ABCG8: variants seen among roughly 807,000 people sequenced by gnomAD.
ABCG8 encodes the protein ATP binding cassette subfamily G member 8, also known as ATP-binding cassette sub-family G member 8.
In ABCG8, 81 loss-of-function variants were observed where a neutral mutation model predicts 71.3. That is an observed-to-expected ratio of 1.14 (90% CI 0.95 to 1.37). ABCG8 has a LOEUF of 1.37. Ranked by LOEUF, ABCG8 falls within the 40% of genes most tolerant of loss-of-function variation. The probability of loss-of-function intolerance (pLI) is 0.00; values close to 1 mark genes in which losing one functional copy is unlikely to be tolerated. For missense variants in ABCG8, 1,119 were observed against 866.2 expected, an observed-to-expected ratio of 1.29 and a Z score of -3.66; for synonymous variants, 451 against 354.7, an observed-to-expected ratio of 1.27 and a Z score of -3.05.
chr2:43,876,791 G>A (rs1182701790), intron 11 of ABCG8, among the ~76,000 whole-genome samples: 6 of 150,240 alleles, frequency 4.0e-5, no homozygotes, highest in East Asian at 2.0e-4. Flanking sequence ...GGGGGAGACC[G>A]TGGGAATATG....
intron 1 of ABCG8, among the ~76,000 whole-genome samples, chr2:43,839,321 C>A (rs1024366136): frequency 2.8e-4 from 42 of 151,554 alleles, no homozygotes; most frequent in Non-Finnish European, 5.4e-4. Context: ...TCACTTCCTG[C>A]CCTAAGAAAT....
chr2:43,856,528 C>A (rs1669113960), intron 6 of ABCG8, among the ~76,000 whole-genome samples: 1 of 151,932 alleles, frequency 6.6e-6, no homozygotes, highest in Non-Finnish European at 1.5e-5. Context: ...CTCTCACTTT[C>A]TGGATAGAAA....
In ABCG8 at chr2:43,881,207, A is replaced by G. The variant is rs1440132922; in HGVS notation, c.*3294A>G. ...GCTCTGTATGCCGTGCTGAAGGGGA[A>G]AAGGGCAAAGTGCAAAGGCAGGAGG... On this transcript the variant is annotated 3_prime_UTR_variant, in exon 13 of 13. Coordinates refer to ENST00000272286, the MANE Select transcript of ABCG8 (RefSeq NM_022437.3). 1 of 152,266 alleles carries G rather than the reference A, an allele frequency of 6.6e-6. No individual in the cohort carries two copies. The highest frequency in any genetic ancestry group is 2.4e-5 in the African/African-American group (1 of 41,466). The allele number at this position is 152,266 out of a possible 1,614,324, so 9.4% of individuals were successfully genotyped here.
intron 6 of ABCG8, among the ~76,000 whole-genome samples, chr2:43,868,682 C>G (rs928014039): frequency 6.6e-5 from 10 of 152,172 alleles, no homozygotes; most frequent in African/African-American, 2.4e-4. Flanking sequence ...CTGGATACTA[C>G]TCTCGCTATC....
intron 6 of ABCG8, among the ~76,000 whole-genome samples, chr2:43,856,010 C>G (rs1214581717): frequency 6.6e-6 from 1 of 152,066 alleles, no homozygotes; most frequent in Non-Finnish European, 1.5e-5. Context: ...AGAACTCTCA[C>G]TATCTGAATA....
chr2:43,840,326 G>T (rs560612414), intron 1 of ABCG8, among the ~76,000 whole-genome samples: 1 of 152,164 alleles, frequency 6.6e-6, no homozygotes, highest in Admixed American at 6.5e-5. Flanking sequence ...CCACCACTTC[G>T]GGAAATGTTT....
chr2:43,875,599 C>T (rs780495959), intron 11 of ABCG8, among the ~76,000 whole-genome samples, 186 bp downstream of exon 11: 7 of 152,230 alleles, frequency 4.6e-5, no homozygotes, highest in Non-Finnish European at 7.3e-5. Flanking sequence ...ATTCCAGATG[C>T]ACCTCCTCCT....
intron 1 of ABCG8, among the ~76,000 whole-genome samples, chr2:43,840,772 C>G (rs1668558966): frequency 6.6e-6 from 1 of 152,312 alleles, no homozygotes; most frequent in South Asian, 2.1e-4. Context: ...TCCCCCTTTT[C>G]TGGCCCCCTC....
rs548319055 is a variant in ABCG8 at position 43,847,162 on chromosome 2, A to T, written c.322+851A>T. The T allele has an allele frequency of 2.0e-5, 3 of 152,474 alleles. No homozygotes were observed. In the East Asian group the frequency reaches 5.8e-4, roughly 29 times the overall value. 9.4% of individuals were successfully genotyped at this position (152,474 alleles called of 1,614,324 possible). On this transcript the variant is annotated intron_variant, in intron 3 of 12. Transcript: ENST00000272286. ...GGATCAAGACATTTCTCCCTGGGAC[A>T]CCCTTACATAGTGCTGGAGAGAGCA...
At chr2:43,848,368 T>A (rs1457253279) in intron 3 of ABCG8, 2 of 152,152 alleles carry the variant, frequency 1.3e-5, no homozygotes, top group African/African-American at 4.8e-5. Context: ...GATCAGGTGT[T>A]GGGTATGGAC....
intron 3 of ABCG8, among the ~76,000 whole-genome samples, chr2:43,848,909 C>T (rs533184352): frequency 4.0e-5 from 6 of 150,942 alleles, no homozygotes; most frequent in Non-Finnish European, 7.4e-5. Context: ...GTAATCCCAG[C>T]TACTTGGGAG....
At chr2:43,869,259 G>A (rs72798824) in intron 6 of ABCG8, among the ~76,000 whole-genome samples, 7,942 of 149,980 alleles carry the variant, frequency 0.053, 253 homozygotes, top group Middle Eastern at 0.12. Flanking sequence ...TTCTCACCAT[G>A]TGGGTGGAAC....
In ABCG8 at chr2:43,875,550, C is replaced by T. The variant is rs148328225; in HGVS notation, c.1756+137C>T. On this transcript the variant is annotated intron_variant, in intron 11 of 12. Transcript: ENST00000272286. ...GCCCTTCTGGAAGCAGAGGCCTTTG[C>T]CCACTGCCCTGGAGGCCAAAGGAAT... is the stretch of plus-strand genomic sequence containing the variant. The T allele has an allele frequency of 2.0e-5, 22 of 1,123,778 alleles. No homozygotes were observed. The East Asian group carries it at 5.3e-4, about 27-fold the overall frequency. The allele number at this position is 1,123,778 out of a possible 1,614,324, so 69.6% of individuals were successfully genotyped here.
chr2:43,845,349 C>A (rs568246630), intron 2 of ABCG8, among the ~76,000 whole-genome samples: 1 of 152,108 alleles, frequency 6.6e-6, no homozygotes, highest in African/African-American at 2.4e-5. Flanking sequence ...GCCAATGAGC[C>A]TTTCTCTGCT....
intron 11 of ABCG8, 99 bp downstream of exon 11, chr2:43,875,512 C>G: frequency 6.9e-7 from 1 of 1,449,586 alleles, no homozygotes; most frequent in Non-Finnish European, 9.3e-7. Flanking sequence ...CACTTAGATC[C>G]AACTCGAGGC....
chr2:43,849,225 A>G (rs558567098), intron 3 of ABCG8, among the ~76,000 whole-genome samples: 1 of 152,058 alleles, frequency 6.6e-6, no homozygotes, highest in African/African-American at 2.4e-5. Context: ...CCGTTTTCAC[A>G]CTGCTCTAAA....
In ABCG8 at chr2:43,867,938, T is replaced by C. The variant is rs117330105; in HGVS notation, c.965-4038T>C. Among the ~76,000 whole-genome samples, 220 of 151,958 alleles carry C rather than the reference T, an allele frequency of 1.4e-3. 3 individuals are homozygous for C. In the East Asian group the frequency reaches 0.039, roughly 27 times the overall value. On this transcript the variant is annotated intron_variant, in intron 6 of 12. Transcript: ENST00000272286. Reference sequence around the variant, plus strand: ...CGCTGGATAAAACTCTCACTATCCGTTTGGATAGAATTCTCACCATCTGGA... The same window carrying C: ...CGCTGGATAAAACTCTCACTATCCGCTTGGATAGAATTCTCACCATCTGGA...
chr2:43,864,868 A>T (rs79081783), intron 6 of ABCG8, among the ~76,000 whole-genome samples: 12 of 136,676 alleles, frequency 8.8e-5, no homozygotes, highest in Admixed American at 1.4e-4. Flanking sequence ...GTCTATCTGG[A>T]CGGAATTCTC....
intron 1 of ABCG8, among the ~76,000 whole-genome samples, chr2:43,842,135 G>C (rs1398653045): frequency 1.3e-5 from 2 of 152,206 alleles, no homozygotes; most frequent in East Asian, 1.9e-4. Context: ...CTCTTGAGTA[G>C]GGTAGCTGGG....
Sources: gnomAD v4.1 joint callset for allele counts (sites outside exome capture counted in the v4.1 genomes callset) on GRCh38, gnomAD v4.1.1 for gene constraint, MANE v1.5 for transcripts, NCBI Gene and HGNC (gene_info 2026-07-23, HGNC 2026-07-21) for gene names.